TJAP1: variants seen among roughly 807,000 people sequenced by gnomAD.
The protein encoded by TJAP1 is tight junction associated protein 1, also known as tight junction-associated protein 1.
A neutral mutation model predicts 42.0 loss-of-function variants in TJAP1; 27 were observed. The ratio of observed to expected loss-of-function variants is 0.64; its 90% confidence interval spans 0.47 to 0.89. The LOEUF (loss-of-function observed/expected upper bound fraction) is 0.89. Ranked by LOEUF, TJAP1 falls within the 40% of genes least tolerant of loss-of-function variation. The probability of loss-of-function intolerance (pLI) is 0.00; values close to 1 mark genes in which losing one functional copy is unlikely to be tolerated. For missense variants in TJAP1, 712 were observed against 726.9 expected, an observed-to-expected ratio of 0.98 and a Z score of 0.24; for synonymous variants, 257 against 288.4, an observed-to-expected ratio of 0.89 and a Z score of 1.10.
chr6:43,499,260 G>C (rs1234054720), intron 4 of TJAP1, 160 bp downstream of exon 4: 1 of 1,099,654 alleles, frequency 9.1e-7, no homozygotes, highest in Non-Finnish European at 1.3e-6. Context: ...AGTGCAGGTG[G>C]GGGTAATGTA....
chr6:43,500,807 C>T, intron 5 of TJAP1, 35 bp downstream of exon 5: 3 of 1,612,898 alleles, frequency 1.9e-6, no homozygotes, highest in Non-Finnish European at 2.5e-6. Flanking sequence ...TGCCCTGCCT[C>T]AACTCTGTCC....
In TJAP1 at chr6:43,505,140, C is replaced by T. The variant is rs1455450738; in HGVS notation, c.959C>T (p.Ser320Phe). 1.2e-6 allele frequency: 2 copies of T among 1,614,102 alleles called. No homozygotes were observed. Among genetic ancestry groups the T allele is most frequent in the African/African-American group, 2.7e-5 (2 of 74,930 alleles). The change falls in exon 11 of 11, where the codon TCT becomes TTT. Residue 320 changes from serine to phenylalanine, a missense_variant. Coordinates refer to ENST00000372449, the Ensembl canonical transcript of TJAP1. This position sits in a 1 kb window ranked among gnomAD's most constrained non-coding sequence, Gnocchi z 5.5. Reference sequence around the variant, plus strand: ...AAGCTGAACCCCTACCCAACCCCGTCTCCACCACACCCACTGTATCCTGGC... The same window carrying T: ...AAGCTGAACCCCTACCCAACCCCGTTTCCACCACACCCACTGTATCCTGGC...
intron 8 of TJAP1, 192 bp from the exon 9 acceptor site, chr6:43,503,209 C>T (rs1469724123): frequency 1.5e-5 from 9 of 595,790 alleles, no homozygotes; most frequent in Non-Finnish European, 2.4e-5. Context: ...AGAAAGCCCC[C>T]ACCCCACAGC....
chr6:43,482,383 G>C (rs930238342), intron 2 of TJAP1, among the ~76,000 whole-genome samples: 1 of 152,180 alleles, frequency 6.6e-6, no homozygotes, highest in Non-Finnish European at 1.5e-5. Context: ...GAATGCCAAC[G>C]ACCTCTGGGT....
intron 2 of TJAP1, among the ~76,000 whole-genome samples, chr6:43,487,521 C>T (rs1786801256): frequency 6.6e-6 from 1 of 152,042 alleles, no homozygotes; most frequent in Admixed American, 6.6e-5. Flanking sequence ...TGTCCCACTT[C>T]TGCTTGTGGT....
Position 43,505,360 on chromosome 6 carries a change from A to C in TJAP1, c.1179A>C (p.Ala393=), listed in dbSNP as rs1582146726. 1 of 1,608,656 alleles carries C rather than the reference A, an allele frequency of 6.2e-7. No homozygotes were observed. The highest frequency in any genetic ancestry group is 8.5e-7 in the Non-Finnish European group (1 of 1,179,364). ...CACCCCACCACCAGCCCAGCCCAGC[A>C]CCCCTAACACTCAGTGCCCCAGCTA... The change falls in exon 11 of 11, where the codon GCA becomes GCC. Residue 393 remains alanine (A), a synonymous_variant. Transcript: ENST00000372449. This position sits in a 1 kb window ranked among gnomAD's most constrained non-coding sequence, Gnocchi z 5.5.
chr6:43,501,002 G>A lies in TJAP1; in HGVS notation c.128+230G>A. The A allele has an allele frequency of 5.3e-6, 3 of 564,426 alleles. No homozygotes were observed. In the East Asian group the frequency reaches 8.9e-5, roughly 17 times the overall value. 35.0% of individuals were successfully genotyped at this position (564,426 alleles called of 1,614,324 possible). A position where few individuals can be genotyped will look rare whatever the true frequency, so the allele number is the denominator to read the frequency against. On this transcript the variant is annotated intron_variant, in intron 5 of 10. Coordinates refer to ENST00000372449, the Ensembl canonical transcript of TJAP1. ...AGAGCGTAGAATCAGGAGGCGAATG[G>A]CTCTGAGGGCCCTGCTCTTCTTGCT...
rs748280477 is a variant in TJAP1 at position 43,504,887 on chromosome 6, T to C, written c.706T>C (p.Leu236=). The C allele has an allele frequency of 2.5e-6, 4 of 1,614,216 alleles. No homozygotes were observed. In the East Asian group the frequency reaches 8.9e-5, roughly 36 times the overall value. Reference sequence around the variant, plus strand: ...GCCTACCTCAGTCATTGCCCGAGTGTTAGAGAAGCCGGAGTCTCTACTGCT... The same window carrying C: ...GCCTACCTCAGTCATTGCCCGAGTGCTAGAGAAGCCGGAGTCTCTACTGCT... Residue 236 remains leucine (L), a synonymous_variant, in exon 11 of 11, where the codon TTA becomes CTA. Coordinates refer to ENST00000372449, the Ensembl canonical transcript of TJAP1.
intron 2 of TJAP1, among the ~76,000 whole-genome samples, chr6:43,488,269 G>T (rs947339540): frequency 6.6e-6 from 1 of 152,124 alleles, no homozygotes; most frequent in Admixed American, 6.5e-5. Flanking sequence ...AGTGACCAAG[G>T]AGTGGAATGG....
intron 4 of TJAP1, among the ~76,000 whole-genome samples, chr6:43,499,617 A>C (rs1790052398): frequency 6.6e-6 from 1 of 152,044 alleles, no homozygotes; most frequent in African/African-American, 2.4e-5. Context: ...TTAGGTCCGG[A>C]CTCTGCTCTT....
chr6:43,500,871 T>C (rs758007490), intron 5 of TJAP1, 99 bp downstream of exon 5: 2 of 1,448,812 alleles, frequency 1.4e-6, no homozygotes, highest in African/African-American at 1.4e-5. Context: ...TTGGATTAGG[T>C]AGAAATAAAG....
intron 5 of TJAP1, 159 bp from the exon 6 acceptor site, chr6:43,501,367 A>G: frequency 1.1e-5 from 7 of 665,094 alleles, no homozygotes; most frequent in Non-Finnish European, 1.8e-5. Flanking sequence ...GGCCTATGAA[A>G]TATGCTGCCT....
exon 7 of TJAP1, chr6:43,502,318 A>T (rs1791106791): frequency 6.2e-7 from 1 of 1,613,712 alleles, no homozygotes. Context: ...CAGCGGACCA[A>T]CCAGGAGTTG....
chr6:43,500,984 A>G, intron 5 of TJAP1: 1 of 596,866 alleles, frequency 1.7e-6, no homozygotes, highest in South Asian at 2.1e-5. Flanking sequence ...AAGAGAGCGT[A>G]GAATCAGGAG....
exon 11 of TJAP1, chr6:43,506,424 G>A (rs997145167): frequency 6.5e-6 from 1 of 152,682 alleles, no homozygotes; most frequent in Non-Finnish European, 1.5e-5. Flanking sequence ...GGGGCTCAGG[G>A]GCCTCAAGCT....
intron 2 of TJAP1, among the ~76,000 whole-genome samples, chr6:43,482,899 G>A (rs1785601769): frequency 6.6e-6 from 1 of 152,186 alleles, no homozygotes; most frequent in African/African-American, 2.4e-5. Context: ...TGAGGTAGGT[G>A]AATCACGAGA....
rs1792033628 is a variant in TJAP1, at chr6:43,505,206, C to G, written c.1025C>G (p.Pro342Arg). 6.2e-7 allele frequency: 1 copy of G among 1,614,048 alleles called. No homozygotes were observed. The highest frequency in any genetic ancestry group is 1.3e-5 in the African/African-American group (1 of 74,926). The change falls in exon 11 of 11, where the codon CCC becomes CGC. Residue 342 changes from proline (P) to arginine (R), a missense_variant. This residue lies in a region of TJAP1 where 549 missense variants were observed against 528.2 expected (regional missense o/e 1.04). Transcript: ENST00000372449. The surrounding 1 kb of genome is among the most constrained non-coding windows in gnomAD (Gnocchi z 5.5). The stretch of plus-strand genomic sequence containing the variant: ...TTCTCTGAGGATAAGGTTCGGATCC[C>G]CCGCAACAGCCCCCTGCCCAACTGC...
exon 11 of TJAP1, chr6:43,504,898 G>C (rs770976188): frequency 3.8e-5 from 61 of 1,614,094 alleles, no homozygotes; most frequent in Non-Finnish European, 4.7e-5. Context: ...TAGAGAAGCC[G>C]GAGTCTCTAC....
chr6:43,482,477 T>C (rs111656519), intron 2 of TJAP1, among the ~76,000 whole-genome samples: 1 of 152,336 alleles, frequency 6.6e-6, no homozygotes, highest in African/African-American at 2.4e-5. Flanking sequence ...GATCTTTGCA[T>C]ACACTGGTGC....
Sources: allele counts gnomAD v4.1 joint callset (sites outside exome capture counted in the v4.1 genomes callset), GRCh38; gene constraint gnomAD v4.1.1; regional missense constraint gnomAD v4.1.1; non-coding constraint Gnocchi (gnomAD v3.1); transcripts MANE v1.5; gene names NCBI Gene and HGNC (gene_info 2026-07-23, HGNC 2026-07-21).